CIMAP3: variants seen among roughly 807,000 people sequenced by gnomAD.
CIMAP3 encodes ciliary microtubule associated protein 3.
At chr1:111,351,094 G>A in the CIMAP3 span, among the ~76,000 whole-genome samples, 1 of 150,748 alleles carries the variant, frequency 6.6e-6, no homozygotes, top group Admixed American at 6.6e-5. Flanking sequence ...AAGGGTAGAT[G>A]TACATACAAA....
chr1:111,328,591 A>G, the CIMAP3 span, among the ~76,000 whole-genome samples: 3 of 152,208 alleles, frequency 2.0e-5, no homozygotes, highest in Admixed American at 6.5e-5. Flanking sequence ...TGAACCCTTT[A>G]TCATTATGTA....
chr1:111,332,120 C>G, the CIMAP3 span, among the ~76,000 whole-genome samples: 1 of 152,186 alleles, frequency 6.6e-6, no homozygotes. Flanking sequence ...TGGAGTCTGG[C>G]TCACCAGGAT....
the CIMAP3 span, among the ~76,000 whole-genome samples, chr1:111,341,636 A>G: frequency 2.0e-5 from 3 of 152,212 alleles, no homozygotes; most frequent in African/African-American, 7.2e-5. Flanking sequence ...GTAATGTATC[A>G]ACATATGAAG....
At chr1:111,346,769 C>G in the CIMAP3 span, 24 of 1,555,070 alleles carry the variant, frequency 1.5e-5, no homozygotes, top group South Asian at 5.6e-5. Flanking sequence ...AGTTCGCCCC[C>G]CTCCAGGAGT....
At chr1:111,341,855 G>A in the CIMAP3 span, among the ~76,000 whole-genome samples, 1 of 151,304 alleles carries the variant, frequency 6.6e-6, no homozygotes, top group African/African-American at 2.4e-5. Flanking sequence ...CACTTGAAAA[G>A]CTTTATTTTA....
At chr1:111,350,130 G>A in the CIMAP3 span, 3 of 1,613,972 alleles carry the variant, frequency 1.9e-6, no homozygotes, top group Non-Finnish European at 8.5e-7. Flanking sequence ...ACCCAGAGAA[G>A]AAGCCACCGC....
At chr1:111,348,460 A>G in the CIMAP3 span, 7 of 1,441,060 alleles carry the variant, frequency 4.9e-6, no homozygotes, top group South Asian at 7.7e-5. Context: ...GGAAGGCTTT[A>G]TGTGTATATA....
At chr1:111,338,611 C>T in the CIMAP3 span, among the ~76,000 whole-genome samples, 11 of 152,192 alleles carry the variant, frequency 7.2e-5, no homozygotes, top group South Asian at 8.3e-4. Flanking sequence ...TAGAGGAAAT[C>T]GATAAATTCC....
the CIMAP3 span, chr1:111,346,702 G>C: frequency 6.2e-7 from 1 of 1,607,510 alleles, no homozygotes; most frequent in South Asian, 1.1e-5. Flanking sequence ...GCCTAGAGTA[G>C]AGGGCAGGTA....
At chr1:111,333,360 A>G in the CIMAP3 span, among the ~76,000 whole-genome samples, 1 of 152,170 alleles carries the variant, frequency 6.6e-6, no homozygotes, top group Non-Finnish European at 1.5e-5. Context: ...TGCAGTGGCT[A>G]TTGGCCCCCA....
At chr1:111,351,338 C>G in the CIMAP3 span, 2 of 1,555,652 alleles carry the variant, frequency 1.3e-6, no homozygotes, top group African/African-American at 1.4e-5. Flanking sequence ...GCGGCTGTAA[C>G]TACCTTCACG....
At chr1:111,350,836 T>C in the CIMAP3 span, among the ~76,000 whole-genome samples, 1 of 152,256 alleles carries the variant, frequency 6.6e-6, no homozygotes. Context: ...CTTGATAACA[T>C]AGTAATTGTT....
At chr1:111,346,810 C>T in the CIMAP3 span, 9 of 1,573,318 alleles carry the variant, frequency 5.7e-6, no homozygotes, top group South Asian at 1.1e-5. Context: ...CACGGTTGGG[C>T]CCTGTCCTCT....
chr1:111,330,632 A>G, the CIMAP3 span, among the ~76,000 whole-genome samples: 1,205 of 152,288 alleles, frequency 7.9e-3, 16 homozygotes, highest in African/African-American at 0.027. Flanking sequence ...AGTGCTGGCC[A>G]TAGATTGTGA....
chr1:111,349,893 T>C, the CIMAP3 span: 5 of 502,120 alleles, frequency 1.0e-5, no homozygotes, highest in South Asian at 2.9e-5. Context: ...GTGCTCTAAC[T>C]GGATGTCAAG....
At chr1:111,346,861 G>A in the CIMAP3 span, 2 of 1,603,554 alleles carry the variant, frequency 1.2e-6, no homozygotes, top group African/African-American at 1.3e-5. Context: ...ACGCGCTCAC[G>A]TAGACCCAGG....
At chr1:111,352,987 A>G in the CIMAP3 span, 1 of 152,238 alleles carries the variant, frequency 6.6e-6, no homozygotes, top group Non-Finnish European at 1.5e-5. Flanking sequence ...TTGTATATAA[A>G]AGTAATAAAG....
the CIMAP3 span, among the ~76,000 whole-genome samples, chr1:111,343,125 C>T: frequency 7.9e-3 from 1,206 of 152,250 alleles, 16 homozygotes; most frequent in African/African-American, 0.027. Context: ...ATACTTTTTA[C>T]TTCTACAATT....
chr1:111,330,195 G>A, the CIMAP3 span, among the ~76,000 whole-genome samples: 1 of 152,096 alleles, frequency 6.6e-6, no homozygotes, highest in Admixed American at 6.6e-5. Context: ...ATTCCAGCCA[G>A]TTCAGCCTGG....
Sources: allele counts gnomAD v4.1 joint callset (sites outside exome capture counted in the v4.1 genomes callset), GRCh38; gene constraint gnomAD v4.1.1; transcripts MANE v1.5; gene names NCBI Gene and HGNC (gene_info 2026-07-23, HGNC 2026-07-21).